PXMP2: variants seen among roughly 807,000 people sequenced by gnomAD.
PXMP2 encodes 22 kDa peroxisomal membrane protein.
PXMP2 carries 13 observed loss-of-function variants against 20.2 expected under a neutral mutation model. The ratio of observed to expected loss-of-function variants is 0.64; its 90% CI spans 0.42 to 1.02. The LOEUF is 1.02. Ranked by LOEUF, PXMP2 falls within the 50% of genes least tolerant of loss-of-function variation. The probability of loss-of-function intolerance (pLI) is 0.00; values close to 1 mark genes in which losing one functional copy is unlikely to be tolerated. For synonymous variants in PXMP2, 113 were observed against 111.2 expected (o/e 1.02, Z -0.10); for missense variants, 284 against 251.8 (o/e 1.13, Z -0.87).
chr12:132,704,345 G>C (rs1162377937), intron 4 of PXMP2, among the ~76,000 whole-genome samples: 1 of 152,184 alleles, frequency 6.6e-6, no homozygotes, highest in Non-Finnish European at 1.5e-5. Flanking sequence ...GTGCGGTGAA[G>C]GGGGCAAAAG....
intron 4 of PXMP2, among the ~76,000 whole-genome samples, chr12:132,703,943 T>C (rs967977969): frequency 1.3e-5 from 2 of 152,064 alleles, no homozygotes; most frequent in South Asian, 4.2e-4. Flanking sequence ...AGGGGAGAGC[T>C]GGGAAGCCGC....
In PXMP2 at chr12:132,692,467, T is replaced by G. The variant is rs35839450; in HGVS notation, c.236+2091T>G. Among the ~76,000 whole-genome samples, 53 of 56,596 alleles carry G rather than the reference T, an allele frequency of 9.4e-4. 1 individual carries two copies. The highest frequency in any genetic ancestry group is 1.2e-3 in the Non-Finnish European group (30 of 24,168). The allele number at this position is 56,596 out of a possible 152,430, so 37.1% of individuals were successfully genotyped here. A position where few individuals can be genotyped will look rare whatever the true frequency, so the allele number is the denominator to read the frequency against. On this transcript the variant is annotated intron_variant, in intron 2 of 4. Coordinates refer to ENST00000317479, the MANE Select transcript of PXMP2 (RefSeq NM_018663.3). Reference sequence around the variant, plus strand: ...GCCCTTAGCCAGTTAGTTAGTGAGCTCCCTTGCCAGTTAATTAGTGAGCTC... The same window carrying G: ...GCCCTTAGCCAGTTAGTTAGTGAGCGCCCTTGCCAGTTAATTAGTGAGCTC...
intron 2 of PXMP2, 21 bp downstream of exon 2, chr12:132,690,397 G>C: frequency 6.3e-7 from 1 of 1,585,590 alleles, no homozygotes. Context: ...TACAAGGGGT[G>C]GGTTTACCTT....
intron 2 of PXMP2, among the ~76,000 whole-genome samples, chr12:132,693,670 A>C (rs1213542012): frequency 4.2e-4 from 55 of 131,804 alleles, no homozygotes; most frequent in Non-Finnish European, 6.6e-4. Flanking sequence ...CCAGTTAGTT[A>C]GTGAGCGCCC....
chr12:132,704,683 A>G lies in PXMP2; in HGVS notation c.584A>G (p.Lys195Arg). 13 of 1,567,744 alleles carry G rather than the reference A, an allele frequency of 8.3e-6. No individual in the cohort carries two copies. Among genetic ancestry groups the G allele is most frequent in the Non-Finnish European group, 1.1e-5 (13 of 1,155,796 alleles). ...TATGCCTACCTGGCCTCCTTGGGGA[A>G]GTGACGACCGCTGGGAGAACATCAG... is the stretch of plus-strand genomic sequence containing the variant. ...FWYAYLASLG[K>R] The change falls in exon 5 of 5, where the codon AAG (lysine) becomes AGG (arginine). Residue 195 changes from lysine to arginine, a missense_variant. Transcript: ENST00000317479.
chr12:132,688,376 A>G (rs541058444), intron 1 of PXMP2, among the ~76,000 whole-genome samples: 2 of 28,746 alleles, frequency 7.0e-5, no homozygotes, highest in Non-Finnish European at 7.2e-5. Context: ...GACAGGGCCA[A>G]GGGAGCGAGT....
intron 1 of PXMP2, 106 bp from the exon 2 acceptor site, chr12:132,690,157 C>G (rs938658625): frequency 6.2e-6 from 5 of 810,894 alleles, no homozygotes; most frequent in East Asian, 2.4e-5. Context: ...TCCTACCCCC[C>G]GCCCATCTGC....
chr12:132,692,721 A>C, intron 2 of PXMP2, among the ~76,000 whole-genome samples: 1 of 131,498 alleles, frequency 7.6e-6, no homozygotes, highest in Non-Finnish European at 1.6e-5. Flanking sequence ...CACCCTTGCC[A>C]GTTAGTTAGT....
chr12:132,692,970 T>C (rs2043380979), intron 2 of PXMP2, among the ~76,000 whole-genome samples: 1 of 86,696 alleles, frequency 1.2e-5, no homozygotes. Flanking sequence ...TGAGCTCCCT[T>C]AGCCAGTTAG....
intron 2 of PXMP2, among the ~76,000 whole-genome samples, chr12:132,693,793 GTT>G: frequency 1.3e-5 from 1 of 78,258 alleles, no homozygotes. Flanking sequence ...CAGTTAGTTA[GTT>G]AGCTCCCTTA....
In PXMP2 at chr12:132,701,272, C is replaced by T. The variant is rs2043438983; in HGVS notation, c.422C>T (p.Ala141Val). The part of the protein sequence containing the change: ...FLEGKDASAF[A>V]AKMRGGFWPA... ...CAGGGGAAAGACGCCTCAGCCTTCG[C>T]CGCCAAGATGAGGGGGGGCTTCTGG... The change falls in exon 4 of 5, where the codon GCC becomes GTC. Residue 141 changes from alanine to valine, a missense_variant. Coordinates refer to ENST00000317479, the MANE Select transcript of PXMP2 (RefSeq NM_018663.3). 6.2e-7 allele frequency: 1 copy of T among 1,613,386 alleles called. No individual in the cohort carries two copies. Among genetic ancestry groups the T allele is most frequent in the East Asian group, 2.2e-5 (1 of 44,816 alleles).
chr12:132,704,497 T>G, intron 4 of PXMP2, 122 bp from the exon 5 acceptor site: 1 of 680,374 alleles, frequency 1.5e-6, no homozygotes, highest in Non-Finnish European at 2.3e-6. Flanking sequence ...AATGCAGTAA[T>G]GGATGGGTGG....
chr12:132,692,284 GTTAGTGAGCTCCCTTGCCAGTTAA>G (rs1391673892), intron 2 of PXMP2, among the ~76,000 whole-genome samples: 2 of 145,532 alleles, frequency 1.4e-5, no homozygotes, highest in Admixed American at 6.9e-5. Flanking sequence ...TAGCCAGTTA[GTTAGTGAGCTCCCTTGCCAGTTAA>G]TTAGTGAGCT....
intron 3 of PXMP2, among the ~76,000 whole-genome samples, chr12:132,700,629 T>A (rs2043433836): frequency 1.3e-5 from 2 of 152,178 alleles, no homozygotes; most frequent in Admixed American, 1.3e-4. Flanking sequence ...CTGTAGACTG[T>A]CTGTTGATTG....
chr12:132,691,680 C>T (rs961473180), intron 2 of PXMP2, among the ~76,000 whole-genome samples: 2 of 152,184 alleles, frequency 1.3e-5, no homozygotes, highest in African/African-American at 2.4e-5. Context: ...CATCCAAGTA[C>T]AGTTTTCCCA....
chr12:132,700,367 C>A (rs141712567), intron 3 of PXMP2, among the ~76,000 whole-genome samples: 433 of 152,158 alleles, frequency 2.8e-3, no homozygotes, highest in Non-Finnish European at 5.1e-3. Context: ...TTAATAATAG[C>A]CATTCTGACT....
intron 4 of PXMP2, among the ~76,000 whole-genome samples, chr12:132,704,078 G>A (rs944724853): frequency 2.6e-5 from 4 of 152,168 alleles, no homozygotes; most frequent in Non-Finnish European, 4.4e-5. Context: ...ACTCGGAGAC[G>A]CGGCGATTAA....
chr12:132,693,237 GAGCT>G (rs1309716385), intron 2 of PXMP2, among the ~76,000 whole-genome samples: 1 of 65,442 alleles, frequency 1.5e-5, no homozygotes, highest in African/African-American at 5.1e-5. Flanking sequence ...GCCAGTTAGT[GAGCT>G]CCCTTGCCAG....
intron 3 of PXMP2, among the ~76,000 whole-genome samples, chr12:132,700,123 C>T (rs2136067044): frequency 6.6e-6 from 1 of 151,538 alleles, no homozygotes; most frequent in East Asian, 1.9e-4. Flanking sequence ...CTCACCGCAA[C>T]CTCCGCCTCC....
Sources: allele counts gnomAD v4.1 joint callset (sites outside exome capture counted in the v4.1 genomes callset), GRCh38; gene constraint gnomAD v4.1.1; transcripts MANE v1.5; gene names NCBI Gene and HGNC (gene_info 2026-07-23, HGNC 2026-07-21).